Variants in ZBTB20 observed in about 807,000 individuals in gnomAD.
ZBTB20 encodes the protein zinc finger and BTB domain containing 20.
In ZBTB20, 9 loss-of-function variants were observed where a neutral mutation model predicts 56.9. The ratio of observed to expected loss-of-function variants is 0.16; its 90% CI spans 0.10 to 0.28. The LOEUF is 0.28. Among genes scored for constraint, ZBTB20 ranks in the 10% least tolerant of loss-of-function variants. ZBTB20 has a pLI of 1.00. For synonymous variants in ZBTB20, 417 were observed against 420.7 expected (o/e 0.99, Z 0.11); for missense variants, 655 against 1,003.0 (o/e 0.65, Z 4.69).
intron 5 of ZBTB20, among the ~76,000 whole-genome samples, chr3:114,730,924 A>G (rs970003498): frequency 1.3e-5 from 2 of 152,188 alleles, no homozygotes; most frequent in African/African-American, 4.8e-5. Flanking sequence ...GTCCCAAGAG[A>G]CAAGGATTCA....
chr3:115,042,084 A>C (rs1482298402), intron 2 of ZBTB20, among the ~76,000 whole-genome samples: 1 of 152,114 alleles, frequency 6.6e-6, no homozygotes, highest in Non-Finnish European at 1.5e-5. Flanking sequence ...CACCAAGACA[A>C]ACTAAACCAG....
At chr3:115,107,618 T>C (rs1365274460) in intron 1 of ZBTB20, among the ~76,000 whole-genome samples, 2 of 152,136 alleles carry the variant, frequency 1.3e-5, no homozygotes, top group African/African-American at 4.8e-5. Flanking sequence ...AGAAATGCCA[T>C]CTGACCCCAC....
chr3:114,650,961 C>G (rs953701473), intron 6 of ZBTB20, among the ~76,000 whole-genome samples: 2 of 151,906 alleles, frequency 1.3e-5, no homozygotes, highest in African/African-American at 4.8e-5. Flanking sequence ...AAAAATACAA[C>G]TTGTTAAAAG....
At chr3:114,657,605 T>C (rs979605048) in intron 6 of ZBTB20, among the ~76,000 whole-genome samples, 4 of 152,210 alleles carry the variant, frequency 2.6e-5, no homozygotes, top group Admixed American at 2.6e-4. Context: ...ACTTTGCCAA[T>C]GCCAGCTCCA....
intron 4 of ZBTB20, among the ~76,000 whole-genome samples, chr3:114,809,992 T>C (rs1313065480): frequency 1.3e-5 from 2 of 152,206 alleles, no homozygotes; most frequent in Non-Finnish European, 2.9e-5. Flanking sequence ...CTTTCCCCTG[T>C]GTTAACACAG....
chr3:114,873,852 C>T (rs987951174), intron 4 of ZBTB20: 1 of 152,172 alleles, frequency 6.6e-6, no homozygotes, highest in African/African-American at 2.4e-5. Flanking sequence ...TTTCCAGACT[C>T]TCCTTGGAAA....
At chr3:114,552,005 T>C (rs1189344531) in intron 6 of ZBTB20, among the ~76,000 whole-genome samples, 1 of 151,924 alleles carries the variant, frequency 6.6e-6, no homozygotes, top group African/African-American at 2.4e-5. Context: ...AGGCCAGGAG[T>C]GTGAGACCAG....
At chr3:115,006,537 T>C (rs1199110606) in intron 2 of ZBTB20, among the ~76,000 whole-genome samples, 2 of 151,656 alleles carry the variant, frequency 1.3e-5, no homozygotes, top group Non-Finnish European at 1.5e-5. Flanking sequence ...TTCTTTTTTT[T>C]CCCCTGAATA....
At chr3:115,063,094 T>A (rs976218763) in intron 2 of ZBTB20, among the ~76,000 whole-genome samples, 1 of 152,168 alleles carries the variant, frequency 6.6e-6, no homozygotes, top group Non-Finnish European at 1.5e-5. Context: ...ATTGTTTTTA[T>A]CATTCAAACA....
At chr3:114,717,974 C>T (rs1426802402) in intron 5 of ZBTB20, among the ~76,000 whole-genome samples, 1 of 152,112 alleles carries the variant, frequency 6.6e-6, no homozygotes, top group Non-Finnish European at 1.5e-5. Context: ...AAATCTGTTA[C>T]TAGCAATTCA....
chr3:114,408,588 C>T (rs891582751), intron 7 of ZBTB20, among the ~76,000 whole-genome samples: 14 of 151,634 alleles, frequency 9.2e-5, no homozygotes, highest in Admixed American at 8.5e-4. Flanking sequence ...AGAAGACTAA[C>T]GATTGAATAA....
At chr3:114,471,755 T>C (rs2040155407) in intron 7 of ZBTB20, among the ~76,000 whole-genome samples, 1 of 152,232 alleles carries the variant, frequency 6.6e-6, no homozygotes, top group Non-Finnish European at 1.5e-5. Flanking sequence ...AAAAAACATC[T>C]CGCTTCATGT....
chr3:114,945,685 C>T (rs1193952830), intron 3 of ZBTB20, among the ~76,000 whole-genome samples: 2 of 145,226 alleles, frequency 1.4e-5, no homozygotes, highest in African/African-American at 5.6e-5. Flanking sequence ...AGAATTAAAT[C>T]AACAAATATT....
intron 6 of ZBTB20, among the ~76,000 whole-genome samples, chr3:114,567,527 A>C (rs774372272): frequency 3.3e-5 from 5 of 152,170 alleles, no homozygotes; most frequent in Non-Finnish European, 7.3e-5. Flanking sequence ...GCATCTATGT[A>C]ATACTACTTT....
At chr3:115,063,419 A>G (rs1434940496) in intron 2 of ZBTB20, among the ~76,000 whole-genome samples, 2 of 152,162 alleles carry the variant, frequency 1.3e-5, no homozygotes, top group African/African-American at 4.8e-5. Flanking sequence ...GCGTCCTCAC[A>G]TGATGGAGGG....
intron 8 of ZBTB20, among the ~76,000 whole-genome samples, chr3:114,384,665 T>C (rs1467890984): frequency 6.6e-6 from 1 of 152,192 alleles, no homozygotes; most frequent in Non-Finnish European, 1.5e-5. Flanking sequence ...GCGGCCGAGT[T>C]AGCCAGCAGA....
intron 5 of ZBTB20, among the ~76,000 whole-genome samples, chr3:114,789,033 T>C (rs1333753509): frequency 6.6e-6 from 1 of 152,148 alleles, no homozygotes; most frequent in Non-Finnish European, 1.5e-5. Flanking sequence ...ACGAAGATTA[T>C]GGGAGCTACA....
chr3:114,752,414 T>G (rs2067637197), intron 5 of ZBTB20, among the ~76,000 whole-genome samples: 1 of 152,164 alleles, frequency 6.6e-6, no homozygotes, highest in South Asian at 2.1e-4. Context: ...ATTAGTGCTA[T>G]TCACACTATC....
At position 114,990,995 on chromosome 3, in the gene ZBTB20, T is replaced by C. The variant is rs537468106; in HGVS notation, c.-506-16579A>G. Among the ~76,000 whole-genome samples the C allele has an allele frequency of 1.2e-4, 19 of 152,292 alleles. No homozygotes were observed. The South Asian group carries it at 3.5e-3, about 28-fold the overall frequency. Reference sequence around the variant, plus strand: ...ATTGCGTCTATTTGATTCTTTTCTCTTTTCTTCTTTATTACTCTTGCTAGC... The same window carrying C: ...ATTGCGTCTATTTGATTCTTTTCTCCTTTCTTCTTTATTACTCTTGCTAGC... On this transcript the variant is annotated intron_variant, in intron 2 of 11. Transcript: ENST00000675478.
Sources: gnomAD v4.1 joint callset for allele counts (sites outside exome capture counted in the v4.1 genomes callset) on GRCh38, gnomAD v4.1.1 for gene constraint, MANE v1.5 for transcripts, NCBI Gene and HGNC (gene_info 2026-07-23, HGNC 2026-07-21) for gene names.